The following NBEA variants were observed in gnomAD, a reference collection of about 807,000 sequenced individuals.
The protein encoded by NBEA is lysosomal-trafficking regulator 2.
In NBEA, 44 loss-of-function variants were observed where a neutral mutation model predicts 343.4. The observed-to-expected ratio is 0.13, with a 90% CI of 0.10 to 0.16. NBEA has a LOEUF of 0.16. NBEA is among the 10% of genes least tolerant of loss of function. The pLI, the probability that NBEA is intolerant of heterozygous loss-of-function variation, is 1.00. For synonymous variants in NBEA, 1,175 were observed against 1,238.7 expected (o/e 0.95, Z 1.08); for missense variants, 2,555 against 3,631.3 (o/e 0.70, Z 7.62).
chr13:35,472,950 G>A (rs1267939342), intron 41 of NBEA, among the ~76,000 whole-genome samples: 1 of 152,060 alleles, frequency 6.6e-6, no homozygotes, highest in African/African-American at 2.4e-5. Context: ...GAAACTGGGG[G>A]GAGAGCATTT....
intron 46 of NBEA, among the ~76,000 whole-genome samples, chr13:35,589,593 A>G (rs17762046): frequency 0.066 from 10,058 of 152,212 alleles, 370 homozygotes; most frequent in South Asian, 0.088. Flanking sequence ...GAAGCGAAGG[A>G]TGTAAAAGAT....
intron 38 of NBEA, among the ~76,000 whole-genome samples, chr13:35,393,574 T>G (rs1049485458): frequency 1.3e-5 from 2 of 152,042 alleles, no homozygotes; most frequent in African/African-American, 4.8e-5. Flanking sequence ...AAATTTAGAG[T>G]CCTTTTTTGT....
chr13:35,588,872 A>G (rs1449625062), intron 46 of NBEA, among the ~76,000 whole-genome samples: 3 of 152,166 alleles, frequency 2.0e-5, no homozygotes, highest in Non-Finnish European at 4.4e-5. Context: ...TCATTCGTCA[A>G]ACATTTCATA....
chr13:35,127,615 C>A (rs1212754644), intron 17 of NBEA, among the ~76,000 whole-genome samples: 1 of 151,652 alleles, frequency 6.6e-6, no homozygotes, highest in Non-Finnish European at 1.5e-5. Context: ...CAAATATAGG[C>A]CTATTGACTA....
At chr13:35,118,504 G>T in intron 16 of NBEA, 30 bp downstream of exon 16, 1 of 1,452,836 alleles carries the variant, frequency 6.9e-7, no homozygotes, top group South Asian at 1.2e-5. Context: ...ATTACTATTA[G>T]ACTTTAATGG....
At chr13:35,665,690 A>G (rs1348259489) in intron 56 of NBEA, among the ~76,000 whole-genome samples, 2 of 152,106 alleles carry the variant, frequency 1.3e-5, no homozygotes, top group Non-Finnish European at 2.9e-5. Context: ...GCAATGGTGC[A>G]ATCCAGGCTC....
intron 48 of NBEA, among the ~76,000 whole-genome samples, chr13:35,611,045 GAA>G (rs35066386): frequency 2.3e-4 from 32 of 141,998 alleles, no homozygotes; most frequent in African/African-American, 7.9e-4. Context: ...TTAAAAGGGG[GAA>G]AAAAAAAAAA....
At chr13:35,482,228 G>T (rs1041176952) in intron 41 of NBEA, among the ~76,000 whole-genome samples, 18 of 150,970 alleles carry the variant, frequency 1.2e-4, no homozygotes, top group Admixed American at 1.2e-3. Flanking sequence ...AATAGAAAAC[G>T]ATTACCTTTT....
chr13:35,437,578 C>T (rs960849387), intron 39 of NBEA, among the ~76,000 whole-genome samples: 6 of 152,048 alleles, frequency 3.9e-5, no homozygotes, highest in African/African-American at 1.4e-4. Context: ...AACCTAGAGG[C>T]AGGTAATTTT....
intron 38 of NBEA, among the ~76,000 whole-genome samples, chr13:35,413,464 G>A (rs561153274): frequency 1.3e-5 from 2 of 152,170 alleles, no homozygotes; most frequent in Non-Finnish European, 2.9e-5. Flanking sequence ...TTTCAGTAGT[G>A]CTTCACCAGG....
intron 46 of NBEA, among the ~76,000 whole-genome samples, chr13:35,584,809 T>C (rs1306542772): frequency 1.3e-5 from 2 of 151,890 alleles, no homozygotes; most frequent in Non-Finnish European, 2.9e-5. Context: ...CCAGCTATTA[T>C]TTTTAAACAT....
chr13:35,139,744 GTTTTTTTTT>G (rs36117821), intron 17 of NBEA, among the ~76,000 whole-genome samples: 6 of 61,118 alleles, frequency 9.8e-5, no homozygotes, highest in African/African-American at 2.3e-4. Context: ...GATGGATGGC[GTTTTTTTTT>G]TTTTTTTTTT....
chr13:34,956,230 T>A (rs1334483860), intron 1 of NBEA, among the ~76,000 whole-genome samples: 1 of 152,190 alleles, frequency 6.6e-6, no homozygotes, highest in Admixed American at 6.5e-5. Flanking sequence ...CATTTTAACA[T>A]TTGGCATTTA....
chr13:35,618,846 C>G (rs972332183), intron 48 of NBEA, among the ~76,000 whole-genome samples: 1 of 152,010 alleles, frequency 6.6e-6, no homozygotes, highest in Non-Finnish European at 1.5e-5. Flanking sequence ...GAAAAAGGCC[C>G]TTTCACGGAT....
At chr13:35,254,274 A>G (rs568683963) in intron 34 of NBEA, among the ~76,000 whole-genome samples, 8 of 150,818 alleles carry the variant, frequency 5.3e-5, no homozygotes, top group Non-Finnish European at 8.9e-5. Flanking sequence ...TTAAAATTAT[A>G]TTGTAAAACT....
intron 55 of NBEA, among the ~76,000 whole-genome samples, chr13:35,663,659 C>T (rs182573061): frequency 6.6e-6 from 1 of 152,210 alleles, no homozygotes; most frequent in Non-Finnish European, 1.5e-5. Flanking sequence ...TACCAGGAAG[C>T]CCAGGGCATC....
intron 46 of NBEA, 135 bp downstream of exon 46, chr13:35,584,173 A>G (rs1019281924): frequency 5.1e-6 from 5 of 973,560 alleles, no homozygotes; most frequent in Non-Finnish European, 7.9e-6. Context: ...AAAGATTTCA[A>G]AGTAGCAAAA....
chr13:35,554,523 G>T (rs1210139494), intron 43 of NBEA, among the ~76,000 whole-genome samples: 2 of 152,170 alleles, frequency 1.3e-5, no homozygotes, highest in Non-Finnish European at 2.9e-5. Flanking sequence ...TATTGTACGG[G>T]CAGAGGCTGT....
chr13:35,352,913 ATTG>A (rs908527596), intron 38 of NBEA, among the ~76,000 whole-genome samples: 21 of 151,972 alleles, frequency 1.4e-4, no homozygotes, highest in African/African-American at 2.9e-4. Flanking sequence ...ACATACAATT[ATTG>A]TTGTTGTTGT....
Sources: allele counts gnomAD v4.1 joint callset (sites outside exome capture counted in the v4.1 genomes callset), GRCh38; gene constraint gnomAD v4.1.1; transcripts MANE v1.5; gene names NCBI Gene and HGNC (gene_info 2026-07-23, HGNC 2026-07-21).